The following TBL1X variants were observed in gnomAD, a reference collection of about 807,000 sequenced individuals.
TBL1X encodes transducin beta like 1 X-linked.
In TBL1X, 10 loss-of-function variants were observed where a neutral mutation model predicts 50.7. The ratio of observed to expected loss-of-function variants is 0.20; its 90% CI spans 0.12 to 0.33. The LOEUF is 0.33. Ranked by LOEUF, TBL1X falls within the 10% of genes least tolerant of loss-of-function variation. The pLI, the probability that TBL1X is intolerant of heterozygous loss-of-function variation, is 1.00. For synonymous variants in TBL1X, 190 were observed against 214.7 expected (o/e 0.88, Z 1.01); for missense variants, 340 against 504.4 (o/e 0.67, Z 3.12).
chrX:9,636,333 G>A lies in TBL1X; in HGVS notation c.-130-3940G>A, dbSNP rs181247665. ...AGCACTTTGGAAGGCTGAGGCAGGAGCATCACTTGAAGCCAGGAGTTCAAG... is the reference window on the plus strand; with the variant it reads ...AGCACTTTGGAAGGCTGAGGCAGGAACATCACTTGAAGCCAGGAGTTCAAG... On this transcript the variant is annotated intron_variant, in intron 2 of 17. Coordinates refer to ENST00000645353, the MANE Select transcript of TBL1X (RefSeq NM_005647.4). 451 of 111,453 alleles carry A rather than the reference G, an allele frequency of 4.0e-3. 1 individual carries two copies. The highest frequency in any genetic ancestry group is 6.7e-3 in the Non-Finnish European group (356 of 53,111). 9.2% of individuals were successfully genotyped at this position (111,453 alleles called of 1,213,427 possible). A position where few individuals can be genotyped will look rare whatever the true frequency, so the allele number is the denominator to read the frequency against.
intron 2 of TBL1X, among the ~76,000 whole-genome samples, chrX:9,546,032 T>G (rs761977172): frequency 3.6e-5 from 4 of 111,665 alleles, no homozygotes; most frequent in Admixed American, 9.5e-5. Flanking sequence ...GAACTCAGAA[T>G]CTCCTTCTCC....
rs778352190 is a variant in TBL1X, at chrX:9,705,027, G to A, written c.1149G>A (p.Thr383=). The change falls in exon 13 of 18, where the codon ACG becomes ACA. Residue 383 remains threonine, a synonymous_variant. Transcript: ENST00000645353. ...PALDVDWQNN[T]TFASCSTDMC... Reference sequence around the variant, plus strand: ...TTGATGTGGACTGGCAGAACAACACGACCTTTGCCTCCTGTAGCACAGACA... The same window carrying A: ...TTGATGTGGACTGGCAGAACAACACAACCTTTGCCTCCTGTAGCACAGACA... 47 of 1,210,822 alleles carry A rather than the reference G, an allele frequency of 3.9e-5. No homozygotes were observed. Among genetic ancestry groups the A allele is most frequent in the South Asian group, 3.2e-4 (18 of 56,882 alleles).
At chrX:9,567,464 C>A (rs2082357340) in intron 2 of TBL1X, among the ~76,000 whole-genome samples, 1 of 111,746 alleles carries the variant, frequency 8.9e-6, no homozygotes, top group South Asian at 3.8e-4. Flanking sequence ...TGCATGACTT[C>A]CCTGTTCCTT....
chrX:9,521,882 C>T (rs1168188002), intron 2 of TBL1X, among the ~76,000 whole-genome samples: 2 of 112,028 alleles, frequency 1.8e-5, no homozygotes, highest in Non-Finnish European at 3.8e-5. Flanking sequence ...GACTACATGC[C>T]CAGTGGAACT....
At chrX:9,657,939 C>G (rs758623694) in intron 5 of TBL1X, among the ~76,000 whole-genome samples, 2 of 111,947 alleles carry the variant, frequency 1.8e-5, no homozygotes, top group Non-Finnish European at 3.8e-5. Flanking sequence ...AATTGTAGCT[C>G]CCGTAATTCC....
rs763350521 is a variant in TBL1X, at chrX:9,718,933, C to G, written c.*2687C>G. 1.2e-4 allele frequency: 13 copies of G among 112,210 alleles called. No individual in the cohort carries two copies. The highest frequency in any genetic ancestry group is 4.2e-4 in the African/African-American group (13 of 30,931). 9.2% of individuals were successfully genotyped at this position (112,210 alleles called of 1,213,427 possible). A position where few individuals can be genotyped will look rare whatever the true frequency, so the allele number is the denominator to read the frequency against. On this transcript the variant is annotated 3_prime_UTR_variant, in exon 18 of 18. Coordinates refer to ENST00000645353, the MANE Select transcript of TBL1X (RefSeq NM_005647.4). ...ATATCCATCCCCGTTCTCAGCGGGA[C>G]AACACCATGGACAGCCGTTTTCAGA...
intron 5 of TBL1X, among the ~76,000 whole-genome samples, chrX:9,669,482 C>T (rs1414946170): frequency 8.9e-6 from 1 of 112,045 alleles, no homozygotes; most frequent in East Asian, 2.8e-4. Flanking sequence ...CGCCCCATGT[C>T]TGATTGGTTC....
intron 2 of TBL1X, among the ~76,000 whole-genome samples, chrX:9,582,708 G>A (rs1378015443): frequency 8.9e-6 from 1 of 112,520 alleles, no homozygotes; most frequent in Non-Finnish European, 1.9e-5. Context: ...AGATGTTAAA[G>A]CGAATTGCAT....
intron 2 of TBL1X, among the ~76,000 whole-genome samples, chrX:9,610,551 C>T (rs754442875): frequency 5.4e-5 from 6 of 112,069 alleles, no homozygotes; most frequent in African/African-American, 1.9e-4. Context: ...ATGATACACA[C>T]AGGATGAGGA....
In TBL1X at chrX:9,719,560, T is replaced by C. The variant is rs1366319210; in HGVS notation, c.*3314T>C. The C allele has an allele frequency of 9.0e-6, 1 of 111,597 alleles. No homozygotes were observed. The highest frequency in any genetic ancestry group is 9.5e-5 in the Admixed American group (1 of 10,496). The allele number at this position is 111,597 out of a possible 1,213,427, so 9.2% of individuals were successfully genotyped here. On this transcript the variant is annotated 3_prime_UTR_variant, in exon 18 of 18. Coordinates refer to ENST00000645353, the MANE Select transcript of TBL1X (RefSeq NM_005647.4). ...CCAGACATGTTCTCTATTGGCATTTTTCCGATTCTGTTCAGATGACAGCGA... is the reference window on the plus strand; with the variant it reads ...CCAGACATGTTCTCTATTGGCATTTCTCCGATTCTGTTCAGATGACAGCGA...
intron 1 of TBL1X, among the ~76,000 whole-genome samples, chrX:9,500,686 G>T (rs1029860028): frequency 8.9e-6 from 1 of 112,279 alleles, no homozygotes. Flanking sequence ...AGTAGCGGTG[G>T]TGTGGGAATT....
intron 2 of TBL1X, among the ~76,000 whole-genome samples, chrX:9,628,456 A>T (rs1288015736): frequency 9.0e-6 from 1 of 111,375 alleles, no homozygotes; most frequent in Admixed American, 9.5e-5. Flanking sequence ...ATAGCAACTT[A>T]AAAAAAAAGA....
chrX:9,488,849 G>T (rs987950675), intron 1 of TBL1X, among the ~76,000 whole-genome samples: 1 of 111,294 alleles, frequency 9.0e-6, no homozygotes, highest in Non-Finnish European at 1.9e-5. Context: ...CGATTGATTG[G>T]TTGGTTGATT....
chrX:9,531,357 GTGTGTGT>G (rs2082159685), intron 2 of TBL1X, among the ~76,000 whole-genome samples: 18 of 68,974 alleles, frequency 2.6e-4, no homozygotes, highest in African/African-American at 9.2e-4. Context: ...CCTGGAGGGT[GTGTGTGT>G]GTGTGTGTGT....
chrX:9,609,946 C>A (rs1417047573), intron 2 of TBL1X, among the ~76,000 whole-genome samples: 2 of 112,640 alleles, frequency 1.8e-5, no homozygotes, highest in Non-Finnish European at 3.7e-5. Flanking sequence ...TTCTGAGTTT[C>A]TCTTGAATCC....
Position 9,498,732 on chromosome X carries a change from C to T in TBL1X, c.-200-3048C>T, listed in dbSNP as rs189789715. Among the ~76,000 whole-genome samples the T allele has an allele frequency of 7.1e-5, 8 of 112,557 alleles. No homozygotes were observed. In the Admixed American group the frequency reaches 7.5e-4, roughly 11 times the overall value. On this transcript the variant is annotated intron_variant, in intron 1 of 17. Coordinates refer to ENST00000645353, the MANE Select transcript of TBL1X (RefSeq NM_005647.4). ...CCTGTGGGGGAATCACATGCCCCCCCACTCTAGTGCCCATTGGGGACATGG... is the reference window on the plus strand; with the variant it reads ...CCTGTGGGGGAATCACATGCCCCCCTACTCTAGTGCCCATTGGGGACATGG...
chrX:9,508,544 C>G (rs1341376995), intron 2 of TBL1X, among the ~76,000 whole-genome samples: 1 of 112,261 alleles, frequency 8.9e-6, no homozygotes, highest in Non-Finnish European at 1.9e-5. Context: ...CCTCAAGGAT[C>G]TAGAACCAGA....
chrX:9,630,471 T>A (rs1219657393), intron 2 of TBL1X, among the ~76,000 whole-genome samples: 1 of 112,437 alleles, frequency 8.9e-6, no homozygotes, highest in Non-Finnish European at 1.9e-5. Context: ...TATTTGCATA[T>A]AAACTATGCA....
At chrX:9,690,234 G>T (rs772138779) in intron 7 of TBL1X, among the ~76,000 whole-genome samples, 3 of 112,277 alleles carry the variant, frequency 2.7e-5, no homozygotes, top group African/African-American at 9.7e-5. Flanking sequence ...GCTGAAGTCT[G>T]TCAGAGTGCA....
Sources: gnomAD v4.1 joint callset for allele counts (sites outside exome capture counted in the v4.1 genomes callset) on GRCh38, gnomAD v4.1.1 for gene constraint, MANE v1.5 for transcripts, NCBI Gene and HGNC (gene_info 2026-07-23, HGNC 2026-07-21) for gene names.